Variants in CHRNG observed in about 807,000 individuals in gnomAD.
CHRNG encodes cholinergic receptor nicotinic gamma subunit.
CHRNG carries 72 observed loss-of-function variants against 65.2 expected under a neutral mutation model. That is an observed-to-expected ratio of 1.10 (90% CI 0.91 to 1.34). CHRNG has a LOEUF of 1.34. Ranked by LOEUF, CHRNG falls within the 40% of genes most tolerant of loss-of-function variation. CHRNG has a pLI of 0.00. For missense variants in CHRNG, 637 were observed against 680.1 expected (o/e 0.94, Z 0.70); for synonymous variants, 284 against 290.2 (o/e 0.98, Z 0.22).
intron 8 of CHRNG, 66 bp from the exon 9 acceptor site, chr2:232,543,519 A>G: frequency 8.0e-7 from 1 of 1,254,262 alleles, no homozygotes; most frequent in South Asian, 1.2e-5. Flanking sequence ...GAGGGGGGGC[A>G]GCCACTAAGC....
Position 232,547,518 on chromosome 2 carries a change from G to A in CHRNG, c.*1802G>A, listed in dbSNP as rs545579889. 7.5e-4 allele frequency among the ~76,000 whole-genome samples: 114 copies of A among 152,340 alleles called. No homozygotes were observed. Among genetic ancestry groups the A allele is most frequent in the African/African-American group, 2.6e-3 (110 of 41,580 alleles). Reference sequence around the variant, plus strand: ...TGGCAGGAGGGGACCTTGGAAATATGCCCTCCCTCCAAGCACAGGATTGCT... The same window carrying A: ...TGGCAGGAGGGGACCTTGGAAATATACCCTCCCTCCAAGCACAGGATTGCT... On this transcript the variant is annotated 3_prime_UTR_variant, in exon 12 of 12. Coordinates refer to ENST00000651502, the MANE Select transcript of CHRNG (RefSeq NM_005199.5).
In CHRNG at chr2:232,540,709, C is replaced by T. The variant is rs749001081; in HGVS notation, c.348C>T (p.Asn116=). 6 of 1,610,700 alleles carry T rather than the reference C, an allele frequency of 3.7e-6. No homozygotes were observed. The highest frequency in any genetic ancestry group is 1.7e-5 in the Admixed American group (1 of 59,876). ...MVWRPDIVLE[N]NVDGVFEVAL... ...GGCGGCCGGATATCGTGCTGGAGAACAAGTGAGGAGGGGGTGCAGGCAGGG... is the reference window on the plus strand; with the variant it reads ...GGCGGCCGGATATCGTGCTGGAGAATAAGTGAGGAGGGGGTGCAGGCAGGG... Residue 116 remains asparagine, a splice_region_variant and synonymous_variant, in exon 4 of 12, where the codon AAC becomes AAT. Coordinates refer to ENST00000651502, the MANE Select transcript of CHRNG (RefSeq NM_005199.5). The surrounding 1 kb of genome is among the most constrained non-coding windows in gnomAD (Gnocchi z 4.2).
At position 232,547,159 on chromosome 2, in the gene CHRNG, C is replaced by T. The variant is rs1360872638; in HGVS notation, c.*1443C>T. On this transcript the variant is annotated 3_prime_UTR_variant, in exon 12 of 12. Transcript: ENST00000651502. ...TGGTGGCTCACACCTGCAATCCCAG[C>T]ACCTTGGGAGGACAAGGTGGGTGGA... Among the ~76,000 whole-genome samples, 2 of 152,144 alleles carry T rather than the reference C, an allele frequency of 1.3e-5. No individual in the cohort carries two copies. Among genetic ancestry groups the T allele is most frequent in the Non-Finnish European group, 2.9e-5 (2 of 68,018 alleles).
intron 9 of CHRNG, 124 bp downstream of exon 9, chr2:232,543,823 G>T (rs1036000969): frequency 2.8e-6 from 2 of 711,260 alleles, no homozygotes; most frequent in Non-Finnish European, 5.1e-6. Context: ...GTATCTGGAC[G>T]CATGGACCAA....
chr2:232,540,656 G>A lies in CHRNG; in HGVS notation c.295G>A (p.Val99Met), dbSNP rs1691996982. Reference sequence around the variant, plus strand: ...TCCGCGAGACTACGAAGGCCTGTGGGTGCTGAGGGTGCCGTCCACCATGGT... The same window carrying A: ...TCCGCGAGACTACGAAGGCCTGTGGATGCTGAGGGTGCCGTCCACCATGGT... Reference protein sequence around the residue: ...WDPRDYEGLWVLRVPSTMVWR... With the variant: ...WDPRDYEGLWMLRVPSTMVWR... Residue 99 changes from valine to methionine, a missense_variant, in exon 4 of 12, where the codon GTG (valine) becomes ATG (methionine). Physicochemically the swap from Val to Met is conservative, Grantham distance 21. Coordinates refer to ENST00000651502, the MANE Select transcript of CHRNG (RefSeq NM_005199.5). This position sits in a 1 kb window ranked among gnomAD's most constrained non-coding sequence, Gnocchi z 4.2. 1 of 1,613,228 alleles carries A rather than the reference G, an allele frequency of 6.2e-7. No individual in the cohort carries two copies. The highest frequency in any genetic ancestry group is 8.5e-7 in the Non-Finnish European group (1 of 1,179,996).
intron 9 of CHRNG, among the ~76,000 whole-genome samples, 199 bp downstream of exon 9, chr2:232,543,898 T>C (rs1162666944): frequency 2.6e-5 from 4 of 152,270 alleles, no homozygotes; most frequent in African/African-American, 4.8e-5. Flanking sequence ...CAAATGTTAA[T>C]GTATTTCATC....
Position 232,547,930 on chromosome 2 carries a change from G to A in CHRNG, c.*2214G>A. 1 of 444,186 alleles carries A rather than the reference G, an allele frequency of 2.3e-6. No homozygotes were observed. Among genetic ancestry groups the A allele is most frequent in the East Asian group, 3.5e-5 (1 of 28,506 alleles). The allele number at this position is 444,186 out of a possible 1,614,324, so 27.5% of individuals were successfully genotyped here. A position where few individuals can be genotyped will look rare whatever the true frequency, so the allele number is the denominator to read the frequency against. Reference sequence around the variant, plus strand: ...GAGGCATACCTCAAAGACATTGCAGGTTCAGTTCCAGACCAACACAAGAAA... The same window carrying A: ...GAGGCATACCTCAAAGACATTGCAGATTCAGTTCCAGACCAACACAAGAAA... On this transcript the variant is annotated 3_prime_UTR_variant, in exon 12 of 12. Coordinates refer to ENST00000651502, the MANE Select transcript of CHRNG (RefSeq NM_005199.5).
chr2:232,540,194 G>C lies in CHRNG; in HGVS notation c.195+63G>C. On this transcript the variant is annotated intron_variant, in intron 2 of 11. Coordinates refer to ENST00000651502, the MANE Select transcript of CHRNG (RefSeq NM_005199.5). This position sits in a 1 kb window ranked among gnomAD's most constrained non-coding sequence, Gnocchi z 4.2. Reference sequence around the variant, plus strand: ...CCCTGGGACCTGCTGGGGATAGCATGGGGTGGCTCCAGCCACCAAGAGGTT... The same window carrying C: ...CCCTGGGACCTGCTGGGGATAGCATCGGGTGGCTCCAGCCACCAAGAGGTT... The C allele has an allele frequency of 1.2e-6, 2 of 1,613,446 alleles. No homozygotes were observed. The highest frequency in any genetic ancestry group is 1.7e-6 in the Non-Finnish European group (2 of 1,179,596).
chr2:232,540,274 G>A lies in CHRNG; in HGVS notation c.196-107G>A. The A allele has an allele frequency of 6.3e-7, 1 of 1,597,358 alleles. No individual in the cohort carries two copies. The highest frequency in any genetic ancestry group is 8.6e-7 in the Non-Finnish European group (1 of 1,165,312). Reference sequence around the variant, plus strand: ...CTGGAAAACCCCCATGGTTGTGGGGGGAGTACTATCAAGAGGCTGGGGGAT... The same window carrying A: ...CTGGAAAACCCCCATGGTTGTGGGGAGAGTACTATCAAGAGGCTGGGGGAT... On this transcript the variant is annotated intron_variant, in intron 2 of 11. Transcript: ENST00000651502. This position sits in a 1 kb window ranked among gnomAD's most constrained non-coding sequence, Gnocchi z 4.2.
At position 232,541,839 on chromosome 2, in the gene CHRNG, C is replaced by T. The variant is rs762735605; in HGVS notation, c.506+310C>T. The T allele has an allele frequency of 3.0e-5, 14 of 471,288 alleles. No individual in the cohort carries two copies. Among genetic ancestry groups the T allele is most frequent in the Non-Finnish European group, 4.3e-5 (11 of 255,094 alleles). 29.2% of individuals were successfully genotyped at this position (471,288 alleles called of 1,614,324 possible). A position where few individuals can be genotyped will look rare whatever the true frequency, so the allele number is the denominator to read the frequency against. On this transcript the variant is annotated intron_variant, in intron 5 of 11. Coordinates refer to ENST00000651502, the MANE Select transcript of CHRNG (RefSeq NM_005199.5). This position sits in a 1 kb window ranked among gnomAD's most constrained non-coding sequence, Gnocchi z 4.0. ...CACATGCACACAAGATGCGTGTCTG[C>T]GCACACACGAAACCACTGCACACTC...
At chr2:232,543,533 G>C (rs1341602371) in intron 8 of CHRNG, 52 bp from the exon 9 acceptor site, 6 of 1,322,156 alleles carry the variant, frequency 4.5e-6, no homozygotes, top group South Asian at 2.4e-5. Flanking sequence ...ACTAAGCGTG[G>C]GGGTGGCATC....
Position 232,542,862 on chromosome 2 carries a change from G to A in CHRNG, c.605-20G>A, listed in dbSNP as rs752042214. The A allele has an allele frequency of 6.3e-7, 1 of 1,584,358 alleles. No individual in the cohort carries two copies. The highest frequency in any genetic ancestry group is 1.1e-5 in the South Asian group (1 of 90,356). On this transcript the variant is annotated intron_variant, in intron 6 of 11. Transcript: ENST00000651502. Reference sequence around the variant, plus strand: ...GCTCACGCTTCTTGTGCCCACTCCTGCCTGCCTGCCTGCCCGCAGAGAATG... The same window carrying A: ...GCTCACGCTTCTTGTGCCCACTCCTACCTGCCTGCCTGCCCGCAGAGAATG...
chr2:232,542,745 C>G, intron 6 of CHRNG, 137 bp from the exon 7 acceptor site: 2 of 785,820 alleles, frequency 2.5e-6, no homozygotes, highest in South Asian at 3.0e-5. Context: ...TCCCACCCCA[C>G]TTCTGTCCCT....
chr2:232,541,625 C>A lies in CHRNG; in HGVS notation c.506+96C>A. The A allele has an allele frequency of 1.4e-6, 2 of 1,451,450 alleles. No homozygotes were observed. The highest frequency in any genetic ancestry group is 1.9e-6 in the Non-Finnish European group (2 of 1,045,582). 89.9% of individuals were successfully genotyped at this position (1,451,450 alleles called of 1,614,324 possible). A position where few individuals can be genotyped will look rare whatever the true frequency, so the allele number is the denominator to read the frequency against. ...CTGGGCAAGGCTTCTGGCCTTGGCT[C>A]TGGCAGCACCTAGAGGCCTGGCTCC... On this transcript the variant is annotated intron_variant, in intron 5 of 11. Coordinates refer to ENST00000651502, the MANE Select transcript of CHRNG (RefSeq NM_005199.5). The surrounding 1 kb of genome is among the most constrained non-coding windows in gnomAD (Gnocchi z 4.0).
rs146674765 is a variant in CHRNG at position 232,544,781 on chromosome 2, C to T, written c.1259C>T (p.Pro420Leu). The change falls in exon 11 of 12, where the codon CCG (proline) becomes CTG (leucine). Residue 420 changes from proline to leucine, a missense_variant. Coordinates refer to ENST00000651502, the MANE Select transcript of CHRNG (RefSeq NM_005199.5). Reference sequence around the variant, plus strand: ...CCTTTCTCTTTATCAGAGAAAGGCCCGGAGTTAGGGCTGAGCCAGTTCTGT... The same window carrying T: ...CCTTTCTCTTTATCAGAGAAAGGCCTGGAGTTAGGGCTGAGCCAGTTCTGT... ...AAALEKLEKGPELGLSQFCGS... is the reference protein window; with the variant it reads ...AAALEKLEKGLELGLSQFCGS... The T allele has an allele frequency of 6.3e-5, 101 of 1,613,962 alleles. No individual in the cohort carries two copies. In the African/African-American group the frequency reaches 1.0e-3, roughly 16 times the overall value.
Position 232,540,115 on chromosome 2 carries a change from C to T in CHRNG, c.179C>T (p.Thr60Ile), listed in dbSNP as rs771341746. 2 of 1,614,188 alleles carry T rather than the reference C, an allele frequency of 1.2e-6. No homozygotes were observed. The highest frequency in any genetic ancestry group is 1.7e-6 in the Non-Finnish European group (2 of 1,180,002). Residue 60 changes from threonine (T) to isoleucine (I), a missense_variant, in exon 2 of 12, where the codon ACC becomes ATC. Transcript: ENST00000651502. The surrounding 1 kb of genome is among the most constrained non-coding windows in gnomAD (Gnocchi z 4.2). ...VVNVSLKLTLTNLISLNEREE... is the reference protein window; with the variant it reads ...VVNVSLKLTLINLISLNEREE... ...AATGTCAGCCTGAAGCTAACCCTCA[C>T]CAACCTCATCTCCCTGGTAAGCCGC...
Position 232,539,765 on chromosome 2 carries a change from G to A in CHRNG, c.18G>A (p.Gly6=). The change falls in exon 1 of 12, where the codon GGG becomes GGA. Residue 6 remains glycine, a synonymous_variant. Coordinates refer to ENST00000651502, the MANE Select transcript of CHRNG (RefSeq NM_005199.5). ...GAGGCACCATGCATGGGGGCCAGGG[G>A]CCGCTGCTCCTCCTGCTGCTGCTGG... The part of the protein sequence containing the change: MHGGQ[G]PLLLLLLLAV... 6.2e-7 allele frequency: 1 copy of A among 1,613,896 alleles called. No individual in the cohort carries two copies. Among genetic ancestry groups the A allele is most frequent in the Non-Finnish European group, 8.5e-7 (1 of 1,179,974 alleles).
Position 232,545,670 on chromosome 2 carries a change from T to C in CHRNG, c.1508T>C (p.Leu503Pro). The change falls in exon 12 of 12, where the codon CTG becomes CCG. Residue 503 changes from leucine to proline, a missense_variant. Physicochemically the swap from Leu to Pro is moderately conservative, Grantham distance 98. Coordinates refer to ENST00000651502, the MANE Select transcript of CHRNG (RefSeq NM_005199.5). ...LMAHYNRVPA[L>P]PFPGDPRPYL... ...GCCCACTACAACCGGGTGCCGGCCC[T>C]GCCATTCCCTGGAGATCCACGCCCC... 6.2e-7 allele frequency: 1 copy of C among 1,614,160 alleles called. No homozygotes were observed. The highest frequency in any genetic ancestry group is 8.5e-7 in the Non-Finnish European group (1 of 1,180,036).
In CHRNG at chr2:232,542,933, C is replaced by G; in HGVS notation, c.656C>G (p.Pro219Arg). The change falls in exon 7 of 12, where the codon CCA becomes CGA. Residue 219 changes from proline (P) to arginine (R), a missense_variant. Coordinates refer to ENST00000651502, the MANE Select transcript of CHRNG (RefSeq NM_005199.5). ...QHRPAKMLLDPAAPAQEAGHQ... is the reference protein window; with the variant it reads ...QHRPAKMLLDRAAPAQEAGHQ... ...CGACCAGCCAAGATGCTCCTGGACC[C>G]AGCGGCGCCAGCCCAGGAAGCAGGC... 1 of 1,614,146 alleles carries G rather than the reference C, an allele frequency of 6.2e-7. No homozygotes were observed. Among genetic ancestry groups the G allele is most frequent in the East Asian group, 2.2e-5 (1 of 44,864 alleles).
Sources: gnomAD v4.1 joint callset for allele counts (sites outside exome capture counted in the v4.1 genomes callset) on GRCh38, gnomAD v4.1.1 for gene constraint, Gnocchi (gnomAD v3.1) non-coding constraint, MANE v1.5 for transcripts, NCBI Gene and HGNC (gene_info 2026-07-23, HGNC 2026-07-21) for gene names.